MRTFB: variants seen among roughly 807,000 people sequenced by gnomAD.
The protein encoded by MRTFB is myocardin-related transcription factor B.
In MRTFB, 29 loss-of-function variants were observed where a neutral mutation model predicts 104.2. That is an observed-to-expected ratio of 0.28 (90% CI 0.21 to 0.38). The LOEUF (loss-of-function observed/expected upper bound fraction) is 0.38. Ranked by LOEUF, MRTFB falls within the 10% of genes least tolerant of loss-of-function variation. The probability of loss-of-function intolerance (pLI) is 1.00; values close to 1 mark genes in which losing one functional copy is unlikely to be tolerated. For missense variants in MRTFB, 1,270 were observed against 1,341.6 expected (o/e 0.95, Z 0.83); for synonymous variants, 535 against 519.5 (o/e 1.03, Z -0.41).
chr16:14,195,593 T>C lies in MRTFB; in HGVS notation c.155-14650T>C, dbSNP rs909837262. ...CATGTGCTTACTATTCTGGGAAAAA[T>C]TGGAGGTAAACAATATTCCACTGTT... On this transcript the variant is annotated intron_variant, in intron 3 of 16. Transcript: ENST00000571589. The C allele has an allele frequency of 7.1e-6, 7 of 984,152 alleles. No homozygotes were observed. In the African/African-American group the frequency reaches 1.2e-4, roughly 17 times the overall value. 61.0% of individuals were successfully genotyped at this position (984,152 alleles called of 1,614,324 possible). A position where few individuals can be genotyped will look rare whatever the true frequency, so the allele number is the denominator to read the frequency against.
the MRTFB span, among the ~76,000 whole-genome samples, chr16:14,011,414 G>A: frequency 1.3e-5 from 2 of 152,322 alleles, no homozygotes; most frequent in South Asian, 2.1e-4. Flanking sequence ...AAAGCACTCT[G>A]AGAAAAGAAG....
chr16:13,995,501 A>C, the MRTFB span, among the ~76,000 whole-genome samples: 1 of 152,178 alleles, frequency 6.6e-6, no homozygotes, highest in Non-Finnish European at 1.5e-5. Context: ...ATTGATTCTG[A>C]AGGGAGTGAC....
intron 3 of MRTFB, among the ~76,000 whole-genome samples, chr16:14,181,095 A>G (rs1001728832): frequency 5.3e-5 from 8 of 152,176 alleles, no homozygotes; most frequent in African/African-American, 1.9e-4. Context: ...AAAGTGAAGG[A>G]CTTTTTCAAT....
intron 2 of MRTFB, among the ~76,000 whole-genome samples, chr16:14,085,257 A>G (rs1169066023): frequency 6.6e-6 from 1 of 151,998 alleles, no homozygotes; most frequent in African/African-American, 2.4e-5. Context: ...GGAGTTTGAG[A>G]CCAGCCTGGC....
rs115588979 is a variant in MRTFB, at chr16:14,264,767, G to A, written c.*3323G>A. On this transcript the variant is annotated 3_prime_UTR_variant, in exon 17 of 17. Coordinates refer to ENST00000571589, the MANE Select transcript of MRTFB (RefSeq NM_001308142.2). ...ATGGAAGGCAAAGTCATAGTAATGA[G>A]ATAGCACCTCTGAACTGTGCAGTCA... 95 of 152,318 alleles carry A rather than the reference G, an allele frequency of 6.2e-4. No homozygotes were observed. The highest frequency in any genetic ancestry group is 2.2e-3 in the African/African-American group (92 of 41,554). 9.4% of individuals were successfully genotyped at this position (152,318 alleles called of 1,614,324 possible).
At chr16:14,111,385 T>TG (rs11389264) in intron 2 of MRTFB, among the ~76,000 whole-genome samples, 8,755 of 152,314 alleles carry the variant, frequency 0.057, 495 homozygotes, top group East Asian at 0.29. Context: ...CAAGCTCATC[T>TG]GCTCAGTGAT....
At chr16:14,217,098 A>G in intron 6 of MRTFB, 28 bp from the exon 7 acceptor site, 4 of 1,575,300 alleles carry the variant, frequency 2.5e-6, no homozygotes, top group Non-Finnish European at 3.4e-6. Flanking sequence ...AATTCGAGTA[A>G]TGGTTAAAAC....
intron 15 of MRTFB, among the ~76,000 whole-genome samples, chr16:14,256,540 G>A (rs112673661): frequency 0.011 from 1,684 of 152,266 alleles, 33 homozygotes; most frequent in African/African-American, 0.038. Context: ...AAAGCCAGCT[G>A]TCATGCCATG....
chr16:14,077,683 G>A (rs1358463553), intron 1 of MRTFB, among the ~76,000 whole-genome samples: 2 of 152,072 alleles, frequency 1.3e-5, no homozygotes, highest in East Asian at 3.8e-4. Flanking sequence ...TGTAAAAGGA[G>A]CAATAGTGCC....
At chr16:14,158,366 C>T (rs1176783730) in intron 3 of MRTFB, among the ~76,000 whole-genome samples, 1 of 152,176 alleles carries the variant, frequency 6.6e-6, no homozygotes, top group East Asian at 1.9e-4. Flanking sequence ...GATGTCTTCC[C>T]TGACTAGGCA....
intron 2 of MRTFB, among the ~76,000 whole-genome samples, chr16:14,088,576 C>T (rs949162770): frequency 6.6e-6 from 1 of 152,154 alleles, no homozygotes; most frequent in Non-Finnish European, 1.5e-5. Flanking sequence ...TTATTTTCAC[C>T]ATCCTCTATT....
At chr16:14,183,298 C>T (rs1430014870) in intron 3 of MRTFB, among the ~76,000 whole-genome samples, 1 of 152,018 alleles carries the variant, frequency 6.6e-6, no homozygotes, top group Non-Finnish European at 1.5e-5. Flanking sequence ...AAATAACTGG[C>T]CTGTAATCAT....
At chr16:14,200,314 G>T (rs903232693) in intron 3 of MRTFB, 8 of 1,606,140 alleles carry the variant, frequency 5.0e-6, no homozygotes, top group African/African-American at 1.3e-5. Context: ...GTACGCTGCT[G>T]CGCTGACGTG....
At chr16:14,143,591 A>T (rs944893018) in intron 3 of MRTFB, 1 of 150,320 alleles carries the variant, frequency 6.7e-6, no homozygotes, top group Admixed American at 6.7e-5. Flanking sequence ...TACATGCGCC[A>T]TGTTGGTGTG....
intron 9 of MRTFB, among the ~76,000 whole-genome samples, chr16:14,234,989 A>G (rs1367823647): frequency 3.9e-5 from 6 of 152,176 alleles, no homozygotes; most frequent in Non-Finnish European, 8.8e-5. Context: ...TTTTAAAACT[A>G]AAAAAGGATA....
rs528151254 is a variant in MRTFB at position 14,215,074 on chromosome 16, A to G, written c.352+1454A>G. 17 of 152,332 alleles carry G rather than the reference A, an allele frequency of 1.1e-4. No individual in the cohort carries two copies. In the South Asian group the frequency reaches 1.2e-3, roughly 11 times the overall value. 9.4% of individuals were successfully genotyped at this position (152,332 alleles called of 1,614,324 possible). On this transcript the variant is annotated intron_variant, in intron 6 of 16. Transcript: ENST00000571589. Reference sequence around the variant, plus strand: ...TCTTTGCCTGAAAACATCTTGACCTATAAGGGACATTTTTGTAGTAACAAT... The same window carrying G: ...TCTTTGCCTGAAAACATCTTGACCTGTAAGGGACATTTTTGTAGTAACAAT...
intron 3 of MRTFB, chr16:14,195,528 C>A (rs1036295226): frequency 2.0e-6 from 2 of 985,204 alleles, no homozygotes; most frequent in African/African-American, 1.7e-5. Flanking sequence ...AAAGGAAAAC[C>A]GAGATACTGA....
At chr16:14,186,684 G>C (rs2039964610) in intron 3 of MRTFB, 5 of 1,335,160 alleles carry the variant, frequency 3.7e-6, no homozygotes, top group Non-Finnish European at 3.8e-6. Flanking sequence ...CTCCCGATGT[G>C]GGAGAGAGTT....
rs1392994340 is a variant in MRTFB, at chr16:14,261,577, G to C, written c.*133G>C. On this transcript the variant is annotated 3_prime_UTR_variant, in exon 17 of 17. Coordinates refer to ENST00000571589, the MANE Select transcript of MRTFB (RefSeq NM_001308142.2). ...GTTGTCACAGAAAGAATAGGTGGAA[G>C]GTCATAGCCTGGAACCCAAGTTTGA... is the stretch of plus-strand genomic sequence containing the variant. 5 of 946,016 alleles carry C rather than the reference G, an allele frequency of 5.3e-6. No individual in the cohort carries two copies. Among genetic ancestry groups the C allele is most frequent in the African/African-American group, 4.9e-5 (3 of 60,698 alleles). 58.6% of individuals were successfully genotyped at this position (946,016 alleles called of 1,614,324 possible).
Sources: gnomAD v4.1 joint callset for allele counts (sites outside exome capture counted in the v4.1 genomes callset) on GRCh38, gnomAD v4.1.1 for gene constraint, MANE v1.5 for transcripts, NCBI Gene and HGNC (gene_info 2026-07-23, HGNC 2026-07-21) for gene names.